The following GNAQ variants were observed in gnomAD, a reference collection of about 807,000 sequenced individuals.
GNAQ encodes G protein subunit alpha q.
In GNAQ, 8 loss-of-function variants were observed where a neutral mutation model predicts 43.9. That is an observed-to-expected ratio of 0.18 (90% CI 0.11 to 0.33). The LOEUF is 0.33. GNAQ is among the 10% of genes least tolerant of loss of function. The pLI is 1.00. For missense variants in GNAQ, 158 were observed against 450.8 expected (o/e 0.35, Z 5.88); for synonymous variants, 155 against 170.7 (o/e 0.91, Z 0.71).
intron 5 of GNAQ, among the ~76,000 whole-genome samples, chr9:77,746,732 T>C (rs1053222425): frequency 1.3e-5 from 2 of 151,686 alleles, no homozygotes; most frequent in African/African-American, 4.8e-5. Flanking sequence ...GGGAGAAAAA[T>C]GATGTGGGAA....
chr9:78,006,994 G>A (rs999418056), intron 1 of GNAQ, among the ~76,000 whole-genome samples: 2 of 152,134 alleles, frequency 1.3e-5, no homozygotes, highest in African/African-American at 4.8e-5. Flanking sequence ...CTTCACCAGA[G>A]TACTTAGCCA....
At chr9:78,020,774 C>T (rs1823899278) in intron 1 of GNAQ, among the ~76,000 whole-genome samples, 1 of 152,182 alleles carries the variant, frequency 6.6e-6, no homozygotes, top group Non-Finnish European at 1.5e-5. Context: ...CTCCCTATTA[C>T]TCTACTTTAC....
intron 1 of GNAQ, among the ~76,000 whole-genome samples, chr9:78,018,037 T>A (rs1337545679): frequency 6.6e-6 from 1 of 152,116 alleles, no homozygotes; most frequent in Non-Finnish European, 1.5e-5. Context: ...ATTTTTCATA[T>A]CCTCAGACCT....
intron 1 of GNAQ, among the ~76,000 whole-genome samples, chr9:77,946,445 A>G (rs368122674): frequency 1.3e-5 from 2 of 152,116 alleles, no homozygotes; most frequent in Non-Finnish European, 2.9e-5. Flanking sequence ...CCACATTTCC[A>G]AAAACCCCAA....
At chr9:77,751,027 T>C (rs1216846827) in intron 5 of GNAQ, among the ~76,000 whole-genome samples, 1 of 152,200 alleles carries the variant, frequency 6.6e-6, no homozygotes, top group Non-Finnish European at 1.5e-5. Context: ...CCTTTTCAAG[T>C]TTTTCCCTTT....
chr9:77,746,216 G>A (rs747470341), intron 5 of GNAQ, among the ~76,000 whole-genome samples: 11 of 152,122 alleles, frequency 7.2e-5, no homozygotes, highest in Non-Finnish European at 1.6e-4. Flanking sequence ...GGGTTCCTTG[G>A]ATCCTTACTC....
chr9:78,008,747 T>G (rs2118574284), intron 1 of GNAQ, among the ~76,000 whole-genome samples: 1 of 152,296 alleles, frequency 6.6e-6, no homozygotes, highest in South Asian at 2.1e-4. Flanking sequence ...GCCTTTCAAG[T>G]AGCTGGGACT....
chr9:77,783,547 A>C (rs1297506719), intron 5 of GNAQ, among the ~76,000 whole-genome samples: 1 of 151,984 alleles, frequency 6.6e-6, no homozygotes, highest in Non-Finnish European at 1.5e-5. Context: ...GTTGGTCCCA[A>C]CCTCTTCAAG....
intron 2 of GNAQ, among the ~76,000 whole-genome samples, chr9:77,827,169 T>C (rs1827211300): frequency 6.6e-6 from 1 of 152,030 alleles, no homozygotes; most frequent in African/African-American, 2.4e-5. Flanking sequence ...TATATTGCAT[T>C]AATCTCAATG....
chr9:77,933,075 C>G (rs1829174794), intron 1 of GNAQ, among the ~76,000 whole-genome samples: 1 of 152,064 alleles, frequency 6.6e-6, no homozygotes, highest in Admixed American at 6.6e-5. Flanking sequence ...GTGTATTCAT[C>G]CCAATGAAAA....
chr9:77,946,632 A>T (rs1217776382), intron 1 of GNAQ, among the ~76,000 whole-genome samples: 2 of 150,022 alleles, frequency 1.3e-5, no homozygotes, highest in Admixed American at 6.6e-5. Context: ...GAATAAGACA[A>T]AAATAAAATA....
At chr9:77,978,393 T>C (rs536970950) in intron 1 of GNAQ, among the ~76,000 whole-genome samples, 38 of 152,346 alleles carry the variant, frequency 2.5e-4, no homozygotes, top group African/African-American at 8.9e-4. Flanking sequence ...CATCCCACCA[T>C]GTAAAAGAAG....
intron 2 of GNAQ, among the ~76,000 whole-genome samples, chr9:77,893,094 C>T (rs1403558519): frequency 6.6e-6 from 1 of 152,118 alleles, no homozygotes; most frequent in African/African-American, 2.4e-5. Flanking sequence ...GGTTTCAAAC[C>T]AGAGCGACTC....
intron 1 of GNAQ, among the ~76,000 whole-genome samples, chr9:77,958,631 T>C (rs1823071114): frequency 6.6e-6 from 1 of 152,240 alleles, no homozygotes; most frequent in South Asian, 2.1e-4. Flanking sequence ...TTATTTTAAC[T>C]GGGCCATCAT....
At chr9:77,845,111 T>C (rs1827562608) in intron 2 of GNAQ, among the ~76,000 whole-genome samples, 1 of 152,174 alleles carries the variant, frequency 6.6e-6, no homozygotes, top group Non-Finnish European at 1.5e-5. Flanking sequence ...ATTTCAATAC[T>C]GTAACTCGTT....
intron 2 of GNAQ, among the ~76,000 whole-genome samples, chr9:77,890,166 T>C (rs1828378288): frequency 1.3e-5 from 2 of 152,174 alleles, no homozygotes; most frequent in African/African-American, 2.4e-5. Context: ...CTGTTCCCAA[T>C]GTAATTGCCG....
chr9:77,896,288 ACACT>A (rs1158055461), intron 2 of GNAQ, among the ~76,000 whole-genome samples: 2 of 152,234 alleles, frequency 1.3e-5, no homozygotes, highest in African/African-American at 4.8e-5. Flanking sequence ...TTACTTTAAA[ACACT>A]CACCAGGAAT....
chr9:77,999,685 C>A (rs1345554113), intron 1 of GNAQ, among the ~76,000 whole-genome samples: 4 of 152,158 alleles, frequency 2.6e-5, no homozygotes, highest in Admixed American at 2.0e-4. Flanking sequence ...TATGCTGGGC[C>A]TAGGACTGTG....
intron 1 of GNAQ, among the ~76,000 whole-genome samples, chr9:77,980,748 C>G (rs1823358134): frequency 1.3e-5 from 2 of 152,084 alleles, no homozygotes; most frequent in South Asian, 4.1e-4. Context: ...ACTTGATAGG[C>G]TAGATTACAA....
Sources: allele counts gnomAD v4.1 joint callset (sites outside exome capture counted in the v4.1 genomes callset), GRCh38; gene constraint gnomAD v4.1.1; transcripts MANE v1.5; gene names NCBI Gene and HGNC (gene_info 2026-07-23, HGNC 2026-07-21).